WDR70: variants seen among roughly 807,000 people sequenced by gnomAD.
WDR70 encodes the protein WD repeat domain 70.
WDR70 carries 53 observed loss-of-function variants against 88.6 expected under a neutral mutation model. That is an observed-to-expected ratio of 0.60 (90% CI 0.48 to 0.75). The LOEUF is 0.75. WDR70 is among the 30% of genes least tolerant of loss of function. The probability of loss-of-function intolerance (pLI) is 0.00; values close to 1 mark genes in which losing one functional copy is unlikely to be tolerated. For missense variants in WDR70, 610 were observed against 823.2 expected (o/e 0.74, Z 3.17); for synonymous variants, 280 against 270.0 (o/e 1.04, Z -0.36).
intron 10 of WDR70, among the ~76,000 whole-genome samples, chr5:37,669,392 CTTT>C (rs74326452): frequency 0.48 from 50,208 of 104,936 alleles, 9,488 homozygotes; most frequent in South Asian, 0.57. Context: ...ACATAATTAT[CTTT>C]TTTTTAAAAA....
intron 7 of WDR70, among the ~76,000 whole-genome samples, chr5:37,467,839 C>T (rs1412039417): frequency 1.2e-4 from 18 of 152,080 alleles, no homozygotes; most frequent in South Asian, 1.0e-3. Flanking sequence ...CTCAGCCTCC[C>T]GAGTAGCTGG....
At chr5:37,636,790 G>A (rs948585563) in intron 10 of WDR70, among the ~76,000 whole-genome samples, 14 of 152,162 alleles carry the variant, frequency 9.2e-5, no homozygotes, top group Admixed American at 6.5e-4. Flanking sequence ...GATTGGAGGC[G>A]ACTAAGGAAA....
intron 9 of WDR70, among the ~76,000 whole-genome samples, chr5:37,535,632 C>G (rs759879345): frequency 1.3e-5 from 2 of 152,248 alleles, no homozygotes; most frequent in East Asian, 1.9e-4. Flanking sequence ...GGTCTCTTCA[C>G]AGGTTGTTAA....
intron 3 of WDR70, among the ~76,000 whole-genome samples, chr5:37,390,563 A>G (rs1748781989): frequency 6.6e-6 from 1 of 151,582 alleles, no homozygotes; most frequent in Admixed American, 6.6e-5. Flanking sequence ...GATGGTCTCG[A>G]TCTCCTGACC....
At chr5:37,519,826 T>C (rs923183985) in intron 9 of WDR70, among the ~76,000 whole-genome samples, 3 of 152,232 alleles carry the variant, frequency 2.0e-5, no homozygotes, top group Non-Finnish European at 4.4e-5. Context: ...GGTAGCTCTA[T>C]TTTTAGGTTT....
At chr5:37,584,611 G>A (rs1171485959) in intron 9 of WDR70, among the ~76,000 whole-genome samples, 1 of 152,024 alleles carries the variant, frequency 6.6e-6, no homozygotes, top group African/African-American at 2.4e-5. Flanking sequence ...TTTAAACTTG[G>A]TTGGTCGAGT....
chr5:37,649,104 A>G (rs936993234), intron 10 of WDR70, among the ~76,000 whole-genome samples: 2 of 152,206 alleles, frequency 1.3e-5, no homozygotes, highest in African/African-American at 2.4e-5. Context: ...TGTGTACACT[A>G]GAAAAGATTC....
chr5:37,562,434 A>G (rs970888754), intron 9 of WDR70, among the ~76,000 whole-genome samples: 4 of 143,214 alleles, frequency 2.8e-5, no homozygotes, highest in African/African-American at 1.0e-4. Context: ...AATGGCTTTG[A>G]GGCTTAATTC....
intron 8 of WDR70, among the ~76,000 whole-genome samples, chr5:37,514,642 G>T (rs557507518): frequency 6.6e-6 from 1 of 151,996 alleles, no homozygotes; most frequent in African/African-American, 2.4e-5. Context: ...GTGAGAACAT[G>T]CAGTGTTTGG....
intron 10 of WDR70, among the ~76,000 whole-genome samples, chr5:37,647,915 A>G (rs1393318152): frequency 6.6e-6 from 1 of 152,088 alleles, no homozygotes; most frequent in Non-Finnish European, 1.5e-5. Flanking sequence ...TGCAGGAAAA[A>G]CTACCGTTTA....
intron 9 of WDR70, among the ~76,000 whole-genome samples, chr5:37,562,655 G>A (rs1304968042): frequency 3.9e-5 from 6 of 152,070 alleles, no homozygotes; most frequent in African/African-American, 1.4e-4. Flanking sequence ...GACTCTTAAC[G>A]AGCATGCTGC....
At chr5:37,459,290 A>G (rs1333688058) in intron 7 of WDR70, among the ~76,000 whole-genome samples, 2 of 114,600 alleles carry the variant, frequency 1.7e-5, no homozygotes, top group Non-Finnish European at 3.9e-5. Flanking sequence ...GTGCTGAAAA[A>G]AATGTATATT....
intron 9 of WDR70, among the ~76,000 whole-genome samples, chr5:37,570,880 C>T (rs1163869610): frequency 6.6e-6 from 1 of 152,122 alleles, no homozygotes; most frequent in East Asian, 1.9e-4. Context: ...TCTATGAAGC[C>T]TTCCCCAGCA....
At chr5:37,444,792 G>A (rs1449779307) in intron 7 of WDR70, among the ~76,000 whole-genome samples, 5 of 152,182 alleles carry the variant, frequency 3.3e-5, no homozygotes, top group African/African-American at 7.2e-5. Context: ...TAGGGGTAGC[G>A]TGGAGGTCGG....
chr5:37,471,608 T>C (rs929641984), intron 7 of WDR70, among the ~76,000 whole-genome samples: 2 of 152,016 alleles, frequency 1.3e-5, no homozygotes, highest in African/African-American at 4.8e-5. Context: ...AAGTTACTAA[T>C]TTTGATGAAG....
intron 17 of WDR70, among the ~76,000 whole-genome samples, chr5:37,751,607 G>A (rs552134936): frequency 2.6e-5 from 4 of 152,154 alleles, no homozygotes; most frequent in Non-Finnish European, 5.9e-5. Context: ...TACCATTCTG[G>A]AATTACGTGG....
At chr5:37,399,814 A>T (rs1271748844) in intron 5 of WDR70, among the ~76,000 whole-genome samples, 6 of 152,184 alleles carry the variant, frequency 3.9e-5, no homozygotes, top group African/African-American at 1.4e-4. Context: ...GAACCATGAA[A>T]AACAGTGTGT....
At chr5:37,392,350 A>C (rs1748859171) in intron 4 of WDR70, among the ~76,000 whole-genome samples, 1 of 151,476 alleles carries the variant, frequency 6.6e-6, no homozygotes, top group African/African-American at 2.4e-5. Context: ...CCCCTGGCTA[A>C]TTTTTGTATT....
chr5:37,657,534 G>C (rs1193978526), intron 10 of WDR70, among the ~76,000 whole-genome samples: 4 of 152,142 alleles, frequency 2.6e-5, no homozygotes, highest in African/African-American at 9.7e-5. Flanking sequence ...GTAATGAGAG[G>C]GTCTTTTATC....
Sources: gnomAD v4.1 joint callset for allele counts (sites outside exome capture counted in the v4.1 genomes callset) on GRCh38, gnomAD v4.1.1 for gene constraint, MANE v1.5 for transcripts, NCBI Gene and HGNC (gene_info 2026-07-23, HGNC 2026-07-21) for gene names.